Variants in PDE6D observed in about 807,000 individuals in gnomAD.
PDE6D encodes phosphodiesterase 6D.
PDE6D carries 10 observed loss-of-function variants against 21.9 expected under a neutral mutation model. The ratio of observed to expected loss-of-function variants is 0.46; its 90% CI spans 0.28 to 0.78. PDE6D has a LOEUF of 0.78. Among genes scored for constraint, PDE6D ranks in the 30% least tolerant of loss-of-function variants. The pLI is 0.12. For synonymous variants in PDE6D, 59 were observed against 63.5 expected, an observed-to-expected ratio of 0.93 and a Z score of 0.34; for missense variants, 139 against 184.8, an observed-to-expected ratio of 0.75 and a Z score of 1.44.
At chr2:231,749,046 G>A (rs937962785) in intron 1 of PDE6D, among the ~76,000 whole-genome samples, 2 of 152,168 alleles carry the variant, frequency 1.3e-5, no homozygotes, top group Admixed American at 1.3e-4. Flanking sequence ...AGTCCCTACT[G>A]GGGCACTGCC....
At chr2:231,749,336 G>A (rs927756539) in intron 1 of PDE6D, among the ~76,000 whole-genome samples, 2 of 152,094 alleles carry the variant, frequency 1.3e-5, no homozygotes, top group Non-Finnish European at 2.9e-5. Context: ...GGACTTGCAT[G>A]GGCCCTGTAA....
intron 1 of PDE6D, among the ~76,000 whole-genome samples, chr2:231,776,321 C>CAAA (rs1008155828): frequency 3.1e-3 from 164 of 53,058 alleles, no homozygotes; most frequent in Middle Eastern, 9.8e-3. Flanking sequence ...GACTCCGTCT[C>CAAA]AAAAAAAAAA....
chr2:231,765,135 C>G (rs1040087569), intron 1 of PDE6D, among the ~76,000 whole-genome samples: 1 of 151,298 alleles, frequency 6.6e-6, no homozygotes, highest in Admixed American at 6.6e-5. Flanking sequence ...ATTAGCCATA[C>G]AGTGGTGCGT....
At chr2:231,772,634 T>A (rs2049024507) in intron 1 of PDE6D, among the ~76,000 whole-genome samples, 1 of 152,092 alleles carries the variant, frequency 6.6e-6, no homozygotes, top group Non-Finnish European at 1.5e-5. Flanking sequence ...AACACGAGGA[T>A]TTGTGGATGC....
At chr2:231,749,348 C>G (rs1354514263) in intron 1 of PDE6D, among the ~76,000 whole-genome samples, 3 of 152,042 alleles carry the variant, frequency 2.0e-5, no homozygotes, top group Admixed American at 2.0e-4. Context: ...GCCCTGTAAC[C>G]CCTTTGTTTT....
chr2:231,742,166 G>T (rs779506041), intron 1 of PDE6D, among the ~76,000 whole-genome samples: 3 of 151,914 alleles, frequency 2.0e-5, no homozygotes, highest in Admixed American at 6.6e-5. Flanking sequence ...TTGTTGCCCA[G>T]GCTGGAGTGC....
chr2:231,735,885 C>T (rs541323297), intron 4 of PDE6D, among the ~76,000 whole-genome samples: 190 of 151,734 alleles, frequency 1.3e-3, no homozygotes, highest in African/African-American at 4.3e-3. Context: ...AAAAATTAAC[C>T]GGTGTGGTGG....
chr2:231,751,448 G>C (rs182124742), intron 1 of PDE6D, among the ~76,000 whole-genome samples: 1 of 152,334 alleles, frequency 6.6e-6, no homozygotes, highest in East Asian at 1.9e-4. Flanking sequence ...GCCCAGCCAA[G>C]AACAGTTTCA....
chr2:231,779,199 C>T (rs2049081725), intron 1 of PDE6D: 1 of 152,180 alleles, frequency 6.6e-6, no homozygotes, highest in Non-Finnish European at 1.5e-5. Context: ...TTAATCAGCT[C>T]AGGTCAAGCT....
intron 1 of PDE6D, chr2:231,778,641 A>C (rs1383769194): frequency 6.6e-6 from 1 of 152,224 alleles, no homozygotes; most frequent in Non-Finnish European, 1.5e-5. Flanking sequence ...TCCCCATCTT[A>C]CAGATAAGAA....
At chr2:231,736,027 CA>C (rs1214326163) in intron 4 of PDE6D, among the ~76,000 whole-genome samples, 23,401 of 87,276 alleles carry the variant, frequency 0.27, 1,846 homozygotes, top group Non-Finnish European at 0.32. Flanking sequence ...GACTCTGTCT[CA>C]AAAAAAAAAA....
chr2:231,780,804 C>A (rs1289504275), intron 1 of PDE6D, among the ~76,000 whole-genome samples: 1 of 152,274 alleles, frequency 6.6e-6, no homozygotes, highest in East Asian at 1.9e-4. Flanking sequence ...CCTCTCGCAG[C>A]CCCGTCCCCC....
chr2:231,762,035 T>C (rs148064759), intron 1 of PDE6D, among the ~76,000 whole-genome samples: 1 of 152,196 alleles, frequency 6.6e-6, no homozygotes, highest in South Asian at 2.1e-4. Context: ...AAATATACCA[T>C]GGAAATGGCC....
chr2:231,736,469 A>G (rs2048703388), intron 4 of PDE6D, among the ~76,000 whole-genome samples: 1 of 152,190 alleles, frequency 6.6e-6, no homozygotes, highest in African/African-American at 2.4e-5. Context: ...GTGTGCCATT[A>G]CGCCCAGCTA....
chr2:231,742,502 TTTTTG>T (rs2048758593), intron 1 of PDE6D, among the ~76,000 whole-genome samples: 2 of 152,202 alleles, frequency 1.3e-5, no homozygotes, highest in African/African-American at 2.4e-5. Flanking sequence ...GCTAAGGTTT[TTTTTG>T]TTTTGTTTTA....
Position 231,752,090 on chromosome 2 carries a change from T to C in PDE6D, c.51-12902A>G, listed in dbSNP as rs60760198. Among the ~76,000 whole-genome samples, 946 of 152,378 alleles carry C rather than the reference T, an allele frequency of 6.2e-3. 11 individuals carry two copies. Among genetic ancestry groups the C allele is most frequent in the African/African-American group, 0.021 (893 of 41,592 alleles). ...GACTGTGCTCTGATACCTAAATTTT[T>C]ATCACCAAGATGAAAGTATTTTAAC... On this transcript the variant is annotated intron_variant, in intron 1 of 4. Coordinates refer to ENST00000287600, the MANE Select transcript of PDE6D (RefSeq NM_002601.4).
intron 1 of PDE6D, among the ~76,000 whole-genome samples, chr2:231,762,758 C>A (rs770758951): frequency 1.3e-5 from 2 of 152,012 alleles, no homozygotes; most frequent in Admixed American, 6.6e-5. Context: ...ATATTTCTTA[C>A]CCTATTCAGC....
intron 1 of PDE6D, chr2:231,778,610 A>G (rs931130938): frequency 6.6e-6 from 1 of 152,240 alleles, no homozygotes; most frequent in Non-Finnish European, 1.5e-5. Context: ...TTACAGCCCC[A>G]TGAGATAGGT....
chr2:231,744,972 C>T (rs1352647334), intron 1 of PDE6D, among the ~76,000 whole-genome samples: 3 of 152,078 alleles, frequency 2.0e-5, no homozygotes, highest in South Asian at 2.1e-4. Context: ...CTCCATCCAA[C>T]GACGTTGGGA....
Sources: allele counts gnomAD v4.1 joint callset (sites outside exome capture counted in the v4.1 genomes callset), GRCh38; gene constraint gnomAD v4.1.1; transcripts MANE v1.5; gene names NCBI Gene and HGNC (gene_info 2026-07-23, HGNC 2026-07-21).